Variants in NEBL observed in about 807,000 individuals in gnomAD.
NEBL encodes the protein LIM and SH3 protein 2.
NEBL carries 122 observed loss-of-function variants against 140.2 expected under a neutral mutation model. That is an observed-to-expected ratio of 0.87 (90% CI 0.75 to 1.01). The LOEUF is 1.01. Ranked by LOEUF, NEBL falls within the 50% of genes least tolerant of loss-of-function variation. The pLI is 0.00. For missense variants in NEBL, 1,365 were observed against 1,231.3 expected (o/e 1.11, Z -1.62); for synonymous variants, 436 against 398.9 (o/e 1.09, Z -1.11).
rs751211791 is a variant in NEBL, at chr10:20,855,227, T to TAA, written c.904-2580_904-2579dup. 2.7e-3 allele frequency among the ~76,000 whole-genome samples: 355 copies of TAA among 129,484 alleles called. 7 individuals carry two copies. The East Asian group carries it at 0.051, about 18-fold the overall frequency. 84.9% of individuals were successfully genotyped at this position (129,484 alleles called of 152,430 possible). On this transcript the variant is annotated intron_variant, in intron 9 of 27. Transcript: ENST00000377122. ...CTGGAGACAGAGCGAGAGTCCGTCT[T>TAA]AAAAAAAAAAAAAAAGTGTTTTTTT...
intron 3 of NEBL, among the ~76,000 whole-genome samples, chr10:21,210,253 G>T (rs767779140): frequency 6.6e-6 from 1 of 152,128 alleles, no homozygotes; most frequent in Non-Finnish European, 1.5e-5. Flanking sequence ...ACTTAGCTGG[G>T]TGTGGTGGCA....
chr10:21,090,415 T>C (rs1268024207), intron 2 of NEBL, among the ~76,000 whole-genome samples: 3 of 152,170 alleles, frequency 2.0e-5, no homozygotes, highest in Admixed American at 6.5e-5. Context: ...AGCATTTACA[T>C]TGTATTAGGT....
chr10:20,877,572 A>G (rs992743927), intron 5 of NEBL, among the ~76,000 whole-genome samples: 2 of 152,180 alleles, frequency 1.3e-5, no homozygotes, highest in African/African-American at 2.4e-5. Context: ...GTGAATGTTG[A>G]CAGTTGTGAC....
intron 10 of NEBL, among the ~76,000 whole-genome samples, chr10:20,851,645 C>A (rs547258158): frequency 2.0e-5 from 3 of 150,906 alleles, no homozygotes; most frequent in East Asian, 2.0e-4. Context: ...ATTAGCCAGG[C>A]GTGGTGGCAT....
chr10:20,897,511 T>A (rs914212112), upstream of NEBL: 56 of 1,115,618 alleles, frequency 5.0e-5, no homozygotes, highest in Middle Eastern at 1.2e-3. Flanking sequence ...AAAGAAAAAA[T>A]TTATTTATCT....
chr10:21,048,173 G>A (rs943672132), intron 2 of NEBL, among the ~76,000 whole-genome samples: 1 of 152,200 alleles, frequency 6.6e-6, no homozygotes, highest in Non-Finnish European at 1.5e-5. Context: ...GGCAATTTCA[G>A]TCTTGTTCTC....
intron 4 of NEBL, among the ~76,000 whole-genome samples, chr10:20,957,403 C>A (rs1414872656): frequency 2.0e-5 from 3 of 152,214 alleles, no homozygotes; most frequent in East Asian, 3.9e-4. Context: ...TCACTCTTAG[C>A]TTTTCTTGTA....
intron 4 of NEBL, among the ~76,000 whole-genome samples, chr10:20,927,063 G>A (rs2131520987): frequency 6.6e-6 from 1 of 152,326 alleles, no homozygotes; most frequent in South Asian, 2.1e-4. Context: ...GGAGAGATTT[G>A]GAGAGGAGTT....
At chr10:21,159,862 G>A (rs1013568792) in intron 2 of NEBL, among the ~76,000 whole-genome samples, 7 of 152,152 alleles carry the variant, frequency 4.6e-5, no homozygotes, top group East Asian at 3.9e-4. Context: ...TGGATCTTAC[G>A]TATCTCATAA....
chr10:20,884,628 C>T (rs1846311070), intron 4 of NEBL, among the ~76,000 whole-genome samples: 1 of 152,162 alleles, frequency 6.6e-6, no homozygotes, highest in Non-Finnish European at 1.5e-5. Flanking sequence ...ACATAACTTA[C>T]ATTATATTTT....
intron 20 of NEBL, chr10:20,819,181 C>T: frequency 1.2e-6 from 1 of 865,304 alleles, no homozygotes; most frequent in South Asian, 1.8e-5. Flanking sequence ...AAGCCCAGTA[C>T]TCAACAGTTA....
Position 21,200,083 on chromosome 10 carries a change from G to T in NEBL, n.349-27606C>A, listed in dbSNP as rs577581516. 3.9e-5 allele frequency among the ~76,000 whole-genome samples: 6 copies of T among 152,068 alleles called. No homozygotes were observed. In the South Asian group the frequency reaches 1.2e-3, roughly 32 times the overall value. ...AGAACACCCCATGGGATCAGCTGAG[G>T]TCTCAGCTGCAACTTAATGGTGTTT... On this transcript the variant is annotated intron_variant and non_coding_transcript_variant, in intron 3 of 8. Transcript: ENST00000675702.
intron 7 of NEBL, chr10:20,868,318 GT>G (rs1844532906): frequency 5.2e-6 from 1 of 192,336 alleles, no homozygotes; most frequent in Non-Finnish European, 1.1e-5. Context: ...AACTGTGTGT[GT>G]GTGTGTGTGT....
intron 26 of NEBL, among the ~76,000 whole-genome samples, chr10:20,799,341 A>G (rs1836873567): frequency 6.6e-6 from 1 of 152,022 alleles, no homozygotes; most frequent in South Asian, 2.1e-4. Context: ...TTTTTAGGAG[A>G]TACCAGGTCT....
intron 7 of NEBL, among the ~76,000 whole-genome samples, chr10:20,864,321 T>C (rs1190080020): frequency 6.6e-6 from 1 of 152,196 alleles, no homozygotes; most frequent in Non-Finnish European, 1.5e-5. Context: ...TTGTTTTAGT[T>C]TTTTAATGAC....
chr10:21,088,489 A>C (rs74873818), intron 2 of NEBL, among the ~76,000 whole-genome samples: 3,159 of 152,262 alleles, frequency 0.021, 113 homozygotes, highest in African/African-American at 0.069. Context: ...GTCTCTTAAA[A>C]AACAAAACAA....
intron 3 of NEBL, among the ~76,000 whole-genome samples, chr10:21,226,415 C>A (rs1429560698): frequency 2.0e-5 from 3 of 152,102 alleles, no homozygotes; most frequent in Non-Finnish European, 2.9e-5. Flanking sequence ...CCCCAAAGTC[C>A]ATTGGCTCTG....
At chr10:21,156,721 T>G (rs1329828716) in intron 2 of NEBL, among the ~76,000 whole-genome samples, 1 of 152,168 alleles carries the variant, frequency 6.6e-6, no homozygotes, top group East Asian at 1.9e-4. Flanking sequence ...AAAGAAGTTT[T>G]AAGAAAGTGA....
rs1339234415 is a variant in NEBL at position 20,880,914 on chromosome 10, A to G, written c.370-10T>C. 6.2e-7 allele frequency: 1 copy of G among 1,610,828 alleles called. No homozygotes were observed. Among genetic ancestry groups the G allele is most frequent in the Non-Finnish European group, 8.5e-7 (1 of 1,177,016 alleles). ...TCTGCTTGTAGGCCACCTGAAAAAC[A>G]CAAATAATTTTTAGTCCCATTTAGA... On this transcript the variant is annotated splice_polypyrimidine_tract_variant and intron_variant, in intron 4 of 27. Coordinates refer to ENST00000377122, the MANE Select transcript of NEBL (RefSeq NM_006393.3).
Sources: allele counts gnomAD v4.1 joint callset (sites outside exome capture counted in the v4.1 genomes callset), GRCh38; gene constraint gnomAD v4.1.1; transcripts MANE v1.5; gene names NCBI Gene and HGNC (gene_info 2026-07-23, HGNC 2026-07-21).